The following ABCB11 variants were observed in gnomAD, a reference collection of about 807,000 sequenced individuals.
ABCB11 encodes ATP binding cassette subfamily B member 11.
A neutral mutation model predicts 148.0 loss-of-function variants in ABCB11; 95 were observed. The observed-to-expected ratio is 0.64, with a 90% CI of 0.54 to 0.76. ABCB11 has a LOEUF of 0.76. Among genes scored for constraint, ABCB11 ranks in the 30% least tolerant of loss-of-function variants. The pLI, the probability that ABCB11 is intolerant of heterozygous loss-of-function variation, is 0.00. For missense variants in ABCB11, 1,523 were observed against 1,617.8 expected (o/e 0.94, Z 1.01); for synonymous variants, 591 against 555.4 (o/e 1.06, Z -0.90).
intron 5 of ABCB11, among the ~76,000 whole-genome samples, chr2:168,999,994 C>T (rs943471582): frequency 1.3e-5 from 2 of 152,016 alleles, no homozygotes; most frequent in Non-Finnish European, 2.9e-5. Context: ...TTAGGGTTAT[C>T]ACTATTTTTA....
intron 18 of ABCB11, among the ~76,000 whole-genome samples, chr2:168,959,700 C>T (rs553822986): frequency 6.6e-6 from 1 of 151,616 alleles, no homozygotes; most frequent in East Asian, 2.0e-4. Flanking sequence ...CTTACTGCCC[C>T]CATCTGCCCA....
At chr2:168,943,051 T>C (rs1692138972) in intron 21 of ABCB11, among the ~76,000 whole-genome samples, 2 of 151,950 alleles carry the variant, frequency 1.3e-5, no homozygotes, top group South Asian at 4.1e-4. Flanking sequence ...ACAAAAGTAT[T>C]AGAAAAATTC....
intron 12 of ABCB11, 145 bp downstream of exon 12, chr2:168,976,432 C>T (rs1168486276): frequency 1.9e-6 from 1 of 513,710 alleles, no homozygotes; most frequent in Non-Finnish European, 3.5e-6. Context: ...AAGCCAACAC[C>T]CGAGGATACT....
At chr2:168,948,310 C>A (rs993977216) in intron 19 of ABCB11, among the ~76,000 whole-genome samples, 1 of 151,742 alleles carries the variant, frequency 6.6e-6, no homozygotes, top group South Asian at 2.1e-4. Context: ...CAACCCTATT[C>A]CCTACACCTT....
chr2:169,003,494 G>T lies in ABCB11; in HGVS notation c.390-6772C>A, dbSNP rs1694940179. On this transcript the variant is annotated intron_variant, in intron 5 of 27. Transcript: ENST00000650372. ...TTCCTTATCCACTCGTTGATTGATG[G>T]GCCTTTGGGCTGGTTCCATATTTTT... Among the ~76,000 whole-genome samples, 9 of 151,356 alleles carry T rather than the reference G, an allele frequency of 5.9e-5. No individual in the cohort carries two copies. The South Asian group carries it at 1.9e-3, about 32-fold the overall frequency.
At chr2:168,992,307 A>G (rs912541001) in intron 8 of ABCB11, among the ~76,000 whole-genome samples, 4 of 152,090 alleles carry the variant, frequency 2.6e-5, no homozygotes, top group Non-Finnish European at 5.9e-5. Flanking sequence ...AACCAAGTGA[A>G]CTGGGCTATA....
chr2:168,974,724 T>C (rs889700736), intron 12 of ABCB11, among the ~76,000 whole-genome samples: 1 of 151,922 alleles, frequency 6.6e-6, no homozygotes, highest in Non-Finnish European at 1.5e-5. Flanking sequence ...ATTTCACTAT[T>C]AAAAGTAATG....
intron 21 of ABCB11, among the ~76,000 whole-genome samples, chr2:168,942,963 A>T (rs1692134003): frequency 6.6e-6 from 1 of 151,996 alleles, no homozygotes; most frequent in Non-Finnish European, 1.5e-5. Context: ...CAACTTCAAG[A>T]AAACAAAGCC....
chr2:168,937,718 T>G (rs1380714887), intron 21 of ABCB11, among the ~76,000 whole-genome samples: 1 of 152,222 alleles, frequency 6.6e-6, no homozygotes, highest in Non-Finnish European at 1.5e-5. Flanking sequence ...TTTTTGAAGT[T>G]GATACAAGAC....
At chr2:168,939,224 T>C (rs540916584) in intron 21 of ABCB11, among the ~76,000 whole-genome samples, 2 of 151,556 alleles carry the variant, frequency 1.3e-5, no homozygotes, top group African/African-American at 4.8e-5. Context: ...AAAGAGTATA[T>C]AATTAAAAAA....
At chr2:168,939,983 CAATA>C (rs1691992835) in intron 21 of ABCB11, among the ~76,000 whole-genome samples, 1 of 152,056 alleles carries the variant, frequency 6.6e-6, no homozygotes, top group African/African-American at 2.4e-5. Context: ...AAAACTTATT[CAATA>C]AATGTGTTTG....
intron 15 of ABCB11, 38 bp from the exon 16 acceptor site, chr2:168,969,589 G>A (rs907940394): frequency 1.3e-6 from 2 of 1,548,732 alleles, no homozygotes; most frequent in African/African-American, 2.7e-5. Flanking sequence ...ACAAAACTGT[G>A]AGACAGAGCT....
chr2:169,021,079 C>T (rs1376305229), intron 1 of ABCB11, among the ~76,000 whole-genome samples: 1 of 151,962 alleles, frequency 6.6e-6, no homozygotes, highest in Non-Finnish European at 1.5e-5. Flanking sequence ...TCTCCTGCCT[C>T]AGCCTCCTGA....
At chr2:169,020,551 T>C (rs1211133498) in intron 1 of ABCB11, among the ~76,000 whole-genome samples, 1 of 152,134 alleles carries the variant, frequency 6.6e-6, no homozygotes, top group Non-Finnish European at 1.5e-5. Flanking sequence ...ACGGTAAATG[T>C]ATGTAGATTG....
chr2:168,938,982 T>C (rs1322072737), intron 21 of ABCB11, among the ~76,000 whole-genome samples: 10 of 152,076 alleles, frequency 6.6e-5, no homozygotes. Flanking sequence ...CACTTATCAA[T>C]GGTACATAAC....
At chr2:168,975,287 T>A (rs1181957047) in intron 12 of ABCB11, among the ~76,000 whole-genome samples, 857 of 61,444 alleles carry the variant, frequency 0.014, 189 homozygotes, top group African/African-American at 0.053. Context: ...ATATGAATAT[T>A]TAAATATTTT....
chr2:168,994,951 G>C (rs1201284924), intron 7 of ABCB11, among the ~76,000 whole-genome samples: 1 of 151,968 alleles, frequency 6.6e-6, no homozygotes, highest in East Asian at 1.9e-4. Context: ...TCTTTCAGGG[G>C]ACCTCAAAAT....
At chr2:169,018,190 C>G in intron 1 of ABCB11, 38 bp from the exon 2 acceptor site, 1 of 1,542,426 alleles carries the variant, frequency 6.5e-7, no homozygotes, top group Non-Finnish European at 8.9e-7. Context: ...CAATTATTAT[C>G]TCTTCTTTCT....
At chr2:168,930,945 T>C in intron 24 of ABCB11, 83 bp from the exon 25 acceptor site, 2 of 1,280,018 alleles carry the variant, frequency 1.6e-6, no homozygotes, top group South Asian at 2.8e-5. Flanking sequence ...GAGTTTAAAA[T>C]CCCTGCTTGA....
Sources: allele counts gnomAD v4.1 joint callset (sites outside exome capture counted in the v4.1 genomes callset), GRCh38; gene constraint gnomAD v4.1.1; transcripts MANE v1.5; gene names NCBI Gene and HGNC (gene_info 2026-07-23, HGNC 2026-07-21).